The following SPATA7 variants were observed in gnomAD, a reference collection of about 807,000 sequenced individuals.
SPATA7 encodes spermatogenesis-associated protein 7.
A neutral mutation model predicts 51.8 loss-of-function variants in SPATA7; 43 were observed. The ratio of observed to expected loss-of-function variants is 0.83; its 90% CI spans 0.65 to 1.07. The LOEUF is 1.07. Ranked by LOEUF, SPATA7 falls within the 50% of genes least tolerant of loss-of-function variation. The pLI is 0.00. For missense variants in SPATA7, 683 were observed against 701.3 expected (o/e 0.97, Z 0.30); for synonymous variants, 230 against 252.8 (o/e 0.91, Z 0.86).
At chr14:88,454,531 G>A (rs1238957125) in intron 3 of SPATA7, among the ~76,000 whole-genome samples, 1 of 152,126 alleles carries the variant, frequency 6.6e-6, no homozygotes, top group Non-Finnish European at 1.5e-5. Flanking sequence ...TTAGCTGGCT[G>A]TGGTGGCTCA....
At chr14:88,402,718 G>GA (rs1485214582) in intron 4 of SPATA7, among the ~76,000 whole-genome samples, 1 of 151,838 alleles carries the variant, frequency 6.6e-6, no homozygotes, top group Non-Finnish European at 1.5e-5. Context: ...AGAGAACATA[G>GA]AAAAAAAGCT....
chr14:88,434,610 C>T (rs559957977), intron 10 of SPATA7, among the ~76,000 whole-genome samples: 5 of 150,850 alleles, frequency 3.3e-5, no homozygotes, highest in East Asian at 2.0e-4. Context: ...GCTTGAACCC[C>T]GCAAGGCGGA....
chr14:88,464,643 T>C (rs112730998), intron 4 of SPATA7, among the ~76,000 whole-genome samples: 5,778 of 152,144 alleles, frequency 0.038, 356 homozygotes, highest in African/African-American at 0.13. Flanking sequence ...GGCAGGAGAA[T>C]TGCTTGAACC....
intron 1 of SPATA7, among the ~76,000 whole-genome samples, chr14:88,391,172 T>C (rs1252937800): frequency 6.6e-6 from 1 of 152,222 alleles, no homozygotes; most frequent in Non-Finnish European, 1.5e-5. Context: ...GTTTGGGGGA[T>C]AAAGCATTTA....
At chr14:88,468,106 C>T (rs1281072992) in intron 4 of SPATA7, 2 of 1,611,982 alleles carry the variant, frequency 1.2e-6, no homozygotes, top group South Asian at 2.2e-5. Context: ...AAACGCTTCA[C>T]ATGACTGGCC....
chr14:88,422,030 C>G (rs1289081613), intron 5 of SPATA7, among the ~76,000 whole-genome samples: 1 of 151,846 alleles, frequency 6.6e-6, no homozygotes, highest in Non-Finnish European at 1.5e-5. Context: ...AGTTAAAATC[C>G]TAAGTTTCTG....
At chr14:88,403,258 T>C (rs529816516) in intron 4 of SPATA7, among the ~76,000 whole-genome samples, 2 of 152,294 alleles carry the variant, frequency 1.3e-5, no homozygotes, top group East Asian at 1.9e-4. Flanking sequence ...CAAATCAATA[T>C]AGAGGCTCCT....
chr14:88,434,113 G>T (rs907967497), intron 10 of SPATA7, among the ~76,000 whole-genome samples: 5 of 151,972 alleles, frequency 3.3e-5, no homozygotes, highest in African/African-American at 4.8e-5. Flanking sequence ...TGATAAGTTT[G>T]GTTAGTTTTT....
chr14:88,435,861 C>T (rs1424665659), intron 10 of SPATA7, among the ~76,000 whole-genome samples: 2 of 152,116 alleles, frequency 1.3e-5, no homozygotes, highest in African/African-American at 2.4e-5. Flanking sequence ...CAAATCTTAG[C>T]TGTCATAAAC....
rs368993383 is a variant in SPATA7 at position 88,448,486 on chromosome 14, G to A, written c.178-6574G>A. Among the ~76,000 whole-genome samples, 44 of 151,876 alleles carry A rather than the reference G, an allele frequency of 2.9e-4. 1 individual carries two copies. The East Asian group carries it at 8.3e-3, about 29-fold the overall frequency. On this transcript the variant is annotated intron_variant, in intron 3 of 3. Transcript: ENST00000554802. ...GTCTGAAGCCTTCTTCTCTCAGCTC[G>A]TCAAAGTCATTCTCCGTCCAGCTTT...
rs1245308576 is a variant in SPATA7, at chr14:88,426,476, CATTCCCAA to C, written c.625_632del (p.Asn209ProfsTer17). 6.2e-7 allele frequency: 1 copy of C among 1,614,180 alleles called. No homozygotes were observed. The highest frequency in any genetic ancestry group is 8.5e-7 in the Non-Finnish European group (1 of 1,180,034). On this transcript the variant is annotated frameshift_variant, in exon 6 of 12. Transcript: ENST00000393545. LOFTEE classifies it high-confidence loss of function. The stretch of plus-strand genomic sequence containing the variant: ...CTGTATGGCAGAAGGCCCAGAAGCA[CATTCCCAA>C]ATTCCCACCGGTTTCAGTTAGTCAT...
chr14:88,429,577 G>T, intron 8 of SPATA7, 114 bp downstream of exon 8: 2 of 629,646 alleles, frequency 3.2e-6, no homozygotes, highest in South Asian at 2.4e-5. Context: ...AATCTATTTT[G>T]GTGTTATGTA....
chr14:88,469,733 C>G lies in SPATA7; in HGVS notation c.255-114C>G. On this transcript the variant is annotated intron_variant, in intron 4 of 4. Coordinates refer to the SPATA7 transcript ENST00000556406. The surrounding 1 kb of genome is among the most constrained non-coding windows in gnomAD (Gnocchi z 4.3). ...CTAAAGCTCTTCTCCCTTCCACCCTCCTGTTAAAGATGAGCATGGTTAAAT... is the reference window on the plus strand; with the variant it reads ...CTAAAGCTCTTCTCCCTTCCACCCTGCTGTTAAAGATGAGCATGGTTAAAT... The G allele has an allele frequency of 6.2e-7, 1 of 1,613,980 alleles. No homozygotes were observed. Among genetic ancestry groups the G allele is most frequent in the Middle Eastern group, 1.6e-4 (1 of 6,062 alleles).
intron 5 of SPATA7, 24 bp from the exon 6 acceptor site, chr14:88,426,208 G>A (rs763763200): frequency 1.3e-6 from 2 of 1,535,672 alleles, no homozygotes; most frequent in Non-Finnish European, 1.8e-6. Context: ...TGCAGTTGAT[G>A]ACTGTCATAT....
intron 1 of SPATA7, among the ~76,000 whole-genome samples, chr14:88,387,693 T>C (rs772572576): frequency 4.1e-4 from 63 of 152,196 alleles, no homozygotes; most frequent in South Asian, 6.2e-4. Context: ...TTAGTCTTGT[T>C]TGTAATCTTT....
intron 4 of SPATA7, among the ~76,000 whole-genome samples, chr14:88,401,098 G>A (rs2076044309): frequency 6.6e-6 from 1 of 152,168 alleles, no homozygotes; most frequent in African/African-American, 2.4e-5. Context: ...GAAATCTTCA[G>A]TAAAATACCA....
chr14:88,429,832 G>C lies in SPATA7; in HGVS notation c.1028+369G>C, dbSNP rs985466700. On this transcript the variant is annotated intron_variant, in intron 8 of 11. Coordinates refer to ENST00000393545, the MANE Select transcript of SPATA7 (RefSeq NM_018418.5). ...TTTACCATTTGAGGAGTCATAATTT[G>C]TGATTTTGAATATTCATCATATCCT... Among the ~76,000 whole-genome samples, 6 of 151,978 alleles carry C rather than the reference G, an allele frequency of 3.9e-5. No homozygotes were observed. The South Asian group carries it at 6.2e-4, about 16-fold the overall frequency.
intron 4 of SPATA7, among the ~76,000 whole-genome samples, chr14:88,407,716 T>G (rs186336871): frequency 2.8e-4 from 42 of 152,370 alleles, no homozygotes; most frequent in Non-Finnish European, 5.6e-4. Context: ...GCCTAGGTTT[T>G]CTTCTAGGGT....
At position 88,431,158 on chromosome 14, in the gene SPATA7, CTTCCTCT is replaced by C. The variant is rs1245631097; in HGVS notation, c.1029-10_1029-4del. On this transcript the variant is annotated splice_region_variant and splice_polypyrimidine_tract_variant and intron_variant, in intron 8 of 11. Transcript: ENST00000393545. ...CCACTGTTTTGCTCAACTACTTTAA[CTTCCTCT>C]TTCTAGGGCAATGTGTCAGTATTCC... 1.9e-6 allele frequency: 3 copies of C among 1,613,144 alleles called. No individual in the cohort carries two copies. In the African/African-American group the frequency reaches 4.0e-5, roughly 22 times the overall value.
Sources: allele counts gnomAD v4.1 joint callset (sites outside exome capture counted in the v4.1 genomes callset), GRCh38; gene constraint gnomAD v4.1.1; non-coding constraint Gnocchi (gnomAD v3.1); transcripts MANE v1.5; gene names NCBI Gene and HGNC (gene_info 2026-07-23, HGNC 2026-07-21).